Variants in PAK5 observed in about 807,000 individuals in gnomAD.
PAK5 encodes the protein p21 (RAC1) activated kinase 5, also known as serine/threonine-protein kinase PAK 5.
Under a neutral mutation model 65.9 loss-of-function variants are expected in PAK5, and 16 were observed. That is an observed-to-expected ratio of 0.24 (90% CI 0.16 to 0.37). The LOEUF is 0.37. Ranked by LOEUF, PAK5 falls within the 10% of genes least tolerant of loss-of-function variation. The pLI is 1.00. For synonymous variants in PAK5, 371 were observed against 354.9 expected (o/e 1.05, Z -0.51); for missense variants, 785 against 903.9 (o/e 0.87, Z 1.69).
intron 1 of PAK5, among the ~76,000 whole-genome samples, chr20:9,722,830 A>G (rs1316459003): frequency 6.6e-6 from 1 of 150,670 alleles, no homozygotes; most frequent in Non-Finnish European, 1.5e-5. Flanking sequence ...TCCACCTCCC[A>G]GGCCCAACTG....
At chr20:9,618,949 T>TTTTA (rs1569002808) in intron 3 of PAK5, among the ~76,000 whole-genome samples, 1 of 119,122 alleles carries the variant, frequency 8.4e-6, no homozygotes, top group Admixed American at 9.0e-5. Context: ...TTTTTTTTTT[T>TTTTA]AATCTCACTG....
intron 3 of PAK5, among the ~76,000 whole-genome samples, chr20:9,628,836 G>A (rs2046883202): frequency 6.6e-6 from 1 of 152,182 alleles, no homozygotes; most frequent in African/African-American, 2.4e-5. Context: ...GCATGGCCAA[G>A]TGTGGAGTTG....
At chr20:9,553,236 A>G (rs181406812) in intron 7 of PAK5, among the ~76,000 whole-genome samples, 127 of 152,242 alleles carry the variant, frequency 8.3e-4, no homozygotes, top group African/African-American at 2.9e-3. Flanking sequence ...AAATTGTATC[A>G]TGTGTTGCCA....
At chr20:9,724,217 T>C (rs1035706771) in intron 1 of PAK5, among the ~76,000 whole-genome samples, 2 of 152,190 alleles carry the variant, frequency 1.3e-5, no homozygotes, top group African/African-American at 4.8e-5. Flanking sequence ...TTACGGAGAT[T>C]TATTTATGTT....
At chr20:9,641,653 A>G (rs1031318509) in intron 3 of PAK5, among the ~76,000 whole-genome samples, 34 of 152,022 alleles carry the variant, frequency 2.2e-4, no homozygotes, top group South Asian at 2.1e-3. Context: ...GGTGCTCGTC[A>G]GGGAGGCTCG....
intron 1 of PAK5, among the ~76,000 whole-genome samples, chr20:9,733,878 C>T (rs1170126257): frequency 6.6e-6 from 1 of 152,174 alleles, no homozygotes; most frequent in Non-Finnish European, 1.5e-5. Flanking sequence ...CAGAAGCATA[C>T]CACTACGGTA....
In PAK5 at chr20:9,812,589, C is replaced by A. The variant is rs534064781; in HGVS notation, c.-162+26173G>T. On this transcript the variant is annotated intron_variant, in intron 1 of 9. Coordinates refer to ENST00000353224, the MANE Select transcript of PAK5 (RefSeq NM_177990.4). ...CACCCATTACACTCCTAGATGTACA[C>A]CCAAGGGAAGTAGAGGGATATATAT... Among the ~76,000 whole-genome samples, 190 of 152,188 alleles carry A rather than the reference C, an allele frequency of 1.2e-3. 1 individual carries two copies. Among genetic ancestry groups the A allele is most frequent in the African/African-American group, 4.3e-3 (179 of 41,544 alleles).
intron 1 of PAK5, among the ~76,000 whole-genome samples, chr20:9,738,473 C>T (rs1384702320): frequency 6.6e-6 from 1 of 152,032 alleles, no homozygotes; most frequent in African/African-American, 2.4e-5. Flanking sequence ...CTATAGAGTA[C>T]TGTTTAACAA....
intron 1 of PAK5, among the ~76,000 whole-genome samples, chr20:9,742,872 T>C (rs367953405): frequency 1.3e-5 from 2 of 152,198 alleles, no homozygotes; most frequent in Non-Finnish European, 2.9e-5. Flanking sequence ...TGAGGATGCA[T>C]TGACCTAGAC....
At chr20:9,654,034 C>CGTG (rs2047234840) in intron 2 of PAK5, among the ~76,000 whole-genome samples, 2 of 150,676 alleles carry the variant, frequency 1.3e-5, no homozygotes, top group Non-Finnish European at 2.9e-5. Context: ...TGGTGATCTT[C>CGTG]ATGATCTTGG....
intron 1 of PAK5, among the ~76,000 whole-genome samples, chr20:9,737,713 A>G (rs2048405134): frequency 6.6e-6 from 1 of 152,256 alleles, no homozygotes; most frequent in Non-Finnish European, 1.5e-5. Flanking sequence ...AGAGATGACA[A>G]CTATACACAT....
chr20:9,788,684 C>T (rs1275913543), intron 1 of PAK5, among the ~76,000 whole-genome samples: 1 of 152,124 alleles, frequency 6.6e-6, no homozygotes, highest in East Asian at 1.9e-4. Flanking sequence ...TTTGTTTAAA[C>T]TGGATATGTG....
At chr20:9,648,995 C>T (rs1274374682) in intron 2 of PAK5, among the ~76,000 whole-genome samples, 15 of 152,204 alleles carry the variant, frequency 9.9e-5, no homozygotes, top group African/African-American at 3.4e-4. Flanking sequence ...AAACCAAGGG[C>T]ACAGCATACC....
intron 1 of PAK5, among the ~76,000 whole-genome samples, chr20:9,769,129 T>C (rs1454999477): frequency 1.3e-5 from 2 of 152,236 alleles, no homozygotes; most frequent in Non-Finnish European, 2.9e-5. Flanking sequence ...AACTTCTGAC[T>C]AATCAAAAGT....
At chr20:9,581,319 CTGTT>C (rs2045976934) in intron 3 of PAK5, among the ~76,000 whole-genome samples, 1 of 152,152 alleles carries the variant, frequency 6.6e-6, no homozygotes, top group African/African-American at 2.4e-5. Context: ...CACTCTATAA[CTGTT>C]TGGTAATAAA....
chr20:9,587,557 T>C (rs1255920862), intron 3 of PAK5, among the ~76,000 whole-genome samples: 1 of 152,184 alleles, frequency 6.6e-6, no homozygotes, highest in African/African-American at 2.4e-5. Flanking sequence ...ATAGTGGCTG[T>C]CATCTCAGGG....
chr20:9,580,793 G>A lies in PAK5; in HGVS notation c.342C>T (p.Ser114=), dbSNP rs754155668. 1 of 1,613,992 alleles carries A rather than the reference G, an allele frequency of 6.2e-7. No homozygotes were observed. Among genetic ancestry groups the A allele is most frequent in the Non-Finnish European group, 8.5e-7 (1 of 1,179,962 alleles). ...TTTCTTCCGCGTGGCCTGGACCGTGGCTGGAGGCTCCCTGATCTGGGGTGG... is the reference window on the plus strand; with the variant it reads ...TTTCTTCCGCGTGGCCTGGACCGTGACTGGAGGCTCCCTGATCTGGGGTGG... ...SPPTPDQGAS[S]HGPGHAEENG... The change falls in exon 4 of 10, where the codon AGC becomes AGT. Residue 114 remains serine (S), a synonymous_variant. Transcript: ENST00000353224.
In PAK5 at chr20:9,618,599, G is replaced by C. The variant is rs954986868; in HGVS notation, c.204+25526C>G. The stretch of plus-strand genomic sequence containing the variant: ...TTTTTTTTTTTTTGTATTTTTAGTA[G>C]AGATGGGGTTTCACCATGTTGTCCA... On this transcript the variant is annotated intron_variant, in intron 3 of 9. Coordinates refer to ENST00000353224, the MANE Select transcript of PAK5 (RefSeq NM_177990.4). Among the ~76,000 whole-genome samples the C allele has an allele frequency of 1.9e-4, 29 of 151,010 alleles. 1 individual carries two copies. The highest frequency in any genetic ancestry group is 3.5e-4 in the Non-Finnish European group (24 of 67,840).
chr20:9,738,962 G>T (rs903236335), intron 1 of PAK5, among the ~76,000 whole-genome samples: 13 of 152,064 alleles, frequency 8.5e-5, no homozygotes, highest in African/African-American at 2.7e-4. Flanking sequence ...CTACTGTCTG[G>T]TCTGTGCAGA....
Sources: gnomAD v4.1 joint callset for allele counts (sites outside exome capture counted in the v4.1 genomes callset) on GRCh38, gnomAD v4.1.1 for gene constraint, MANE v1.5 for transcripts, NCBI Gene and HGNC (gene_info 2026-07-23, HGNC 2026-07-21) for gene names.